UBR3: variants seen among roughly 807,000 people sequenced by gnomAD.
UBR3 encodes E3 ubiquitin-protein ligase UBR3.
In UBR3, 85 loss-of-function variants were observed where a neutral mutation model predicts 243.2. That is an observed-to-expected ratio of 0.35 (90% CI 0.29 to 0.42). UBR3 has a LOEUF of 0.42. Ranked by LOEUF, UBR3 falls within the 10% of genes least tolerant of loss-of-function variation. The probability of loss-of-function intolerance (pLI) is 1.00; values close to 1 mark genes in which losing one functional copy is unlikely to be tolerated. For missense variants in UBR3, 1,686 were observed against 2,300.8 expected, an observed-to-expected ratio of 0.73 and a Z score of 5.47; for synonymous variants, 748 against 799.8, an observed-to-expected ratio of 0.94 and a Z score of 1.09.
chr2:169,862,037 T>C (rs1483911781), intron 1 of UBR3, among the ~76,000 whole-genome samples: 1 of 152,222 alleles, frequency 6.6e-6, no homozygotes, highest in Non-Finnish European at 1.5e-5. Context: ...GTTCTATTTC[T>C]GGACCCATAT....
chr2:170,067,367 A>G (rs2091595858), intron 35 of UBR3, among the ~76,000 whole-genome samples: 1 of 151,572 alleles, frequency 6.6e-6, no homozygotes, highest in South Asian at 2.1e-4. Context: ...GCCCCAAATT[A>G]TATAAACAAA....
At chr2:169,932,808 G>A (rs991143301) in intron 18 of UBR3, 104 bp from the exon 19 acceptor site, 1 of 972,454 alleles carries the variant, frequency 1.0e-6, no homozygotes. Context: ...AGATTAAATT[G>A]TTCTGTGTTT....
chr2:170,048,685 A>G (rs2091147369), intron 32 of UBR3, among the ~76,000 whole-genome samples: 1 of 152,182 alleles, frequency 6.6e-6, no homozygotes, highest in Non-Finnish European at 1.5e-5. Context: ...GACACTGGCA[A>G]TTTGGATACG....
rs2090203731 is a variant in UBR3, at chr2:170,015,336, G to A, written c.4423G>A (p.Ala1475Thr). 2 of 1,611,724 alleles carry A rather than the reference G, an allele frequency of 1.2e-6. No homozygotes were observed. Among genetic ancestry groups the A allele is most frequent in the Admixed American group, 1.7e-5 (1 of 59,704 alleles). ...HRGGNLCSGG[A>T]STAGKRSCLN... is the part of the protein sequence containing the mutation. Reference sequence around the variant, plus strand: ...AGGAGGCAATTTGTGTTCAGGTGGTGCAAGCACAGCTGGCAAAAGGTCTTG... The same window carrying A: ...AGGAGGCAATTTGTGTTCAGGTGGTACAAGCACAGCTGGCAAAAGGTCTTG... The change falls in exon 30 of 39, where the codon GCA (alanine) becomes ACA (threonine). Residue 1475 changes from alanine to threonine, a missense_variant. This residue lies in a region of UBR3 where 371 missense variants were observed against 422.5 expected (regional missense o/e 0.88). Transcript: ENST00000272793.
chr2:170,075,351 G>T (rs1214390543), intron 36 of UBR3, among the ~76,000 whole-genome samples: 1 of 152,048 alleles, frequency 6.6e-6, no homozygotes, highest in Non-Finnish European at 1.5e-5. Flanking sequence ...ATGACATGGA[G>T]TAAGAGGGGT....
chr2:169,834,115 T>G (rs1414972961), intron 1 of UBR3, among the ~76,000 whole-genome samples: 1 of 152,180 alleles, frequency 6.6e-6, no homozygotes, highest in Non-Finnish European at 1.5e-5. Context: ...GGTTTTTAGG[T>G]TTTCTGATCT....
chr2:169,970,202 A>G (rs1381379524), intron 24 of UBR3, among the ~76,000 whole-genome samples: 1 of 130,354 alleles, frequency 7.7e-6, no homozygotes, highest in Non-Finnish European at 1.6e-5. Context: ...TCCTTGTAGG[A>G]GCTTTTACCT....
intron 1 of UBR3, among the ~76,000 whole-genome samples, chr2:169,833,158 CAT>C (rs1313891936): frequency 6.6e-6 from 1 of 152,042 alleles, no homozygotes; most frequent in African/African-American, 2.4e-5. Context: ...ATTTTTGATC[CAT>C]GTTTAGTTAA....
At chr2:169,941,801 A>G (rs2086601816) in intron 19 of UBR3, among the ~76,000 whole-genome samples, 3 of 152,232 alleles carry the variant, frequency 2.0e-5, no homozygotes, top group South Asian at 2.1e-4. Context: ...CTGTATTTGC[A>G]TACAAGTTCA....
intron 30 of UBR3, among the ~76,000 whole-genome samples, chr2:170,025,789 G>T (rs1358615933): frequency 1.3e-5 from 2 of 152,160 alleles, no homozygotes; most frequent in Non-Finnish European, 2.9e-5. Context: ...GATGACTCCC[G>T]AGTTTTTCCT....
chr2:170,040,339 C>G (rs932079971), intron 31 of UBR3, among the ~76,000 whole-genome samples: 1 of 151,784 alleles, frequency 6.6e-6, no homozygotes, highest in Non-Finnish European at 1.5e-5. Context: ...CTTCTGAGCT[C>G]AAGTGATCCG....
At chr2:169,905,979 T>C (rs1452575144) in intron 9 of UBR3, 52 bp from the exon 10 acceptor site, 7 of 1,530,806 alleles carry the variant, frequency 4.6e-6, no homozygotes, top group Middle Eastern at 1.7e-4. Flanking sequence ...ATATTTAACA[T>C]GAATGTGTGC....
chr2:170,066,532 CT>C (rs1028363141), intron 35 of UBR3, among the ~76,000 whole-genome samples: 1 of 152,062 alleles, frequency 6.6e-6, no homozygotes, highest in African/African-American at 2.4e-5. Context: ...CTCCATAAAA[CT>C]TGAAGAACAT....
chr2:169,863,793 G>A (rs1364672086), intron 1 of UBR3, among the ~76,000 whole-genome samples: 1 of 152,102 alleles, frequency 6.6e-6, no homozygotes, highest in Non-Finnish European at 1.5e-5. Context: ...ATGAATTTTA[G>A]GATCAATTTA....
At chr2:169,989,071 A>T (rs1195357235) in intron 25 of UBR3, among the ~76,000 whole-genome samples, 1 of 152,204 alleles carries the variant, frequency 6.6e-6, no homozygotes, top group Admixed American at 6.5e-5. Context: ...TTCAACAGTG[A>T]TTAATTTCTG....
chr2:170,036,622 ATATT>A (rs1384700740), intron 31 of UBR3, among the ~76,000 whole-genome samples: 1 of 152,066 alleles, frequency 6.6e-6, no homozygotes, highest in African/African-American at 2.4e-5. Context: ...AAGTATTTTT[ATATT>A]TATTAGCTAT....
At chr2:170,017,457 A>G (rs1363139078) in intron 30 of UBR3, among the ~76,000 whole-genome samples, 1 of 151,920 alleles carries the variant, frequency 6.6e-6, no homozygotes, top group Admixed American at 6.6e-5. Context: ...AAATTTGTCT[A>G]GTCAAGAAAA....
intron 23 of UBR3, among the ~76,000 whole-genome samples, chr2:169,952,423 C>A (rs1467149074): frequency 6.6e-6 from 1 of 152,180 alleles, no homozygotes; most frequent in African/African-American, 2.4e-5. Context: ...TATATAGTTA[C>A]ACTACATCTC....
intron 21 of UBR3, 50 bp from the exon 22 acceptor site, chr2:169,947,492 C>A (rs752616120): frequency 6.7e-6 from 9 of 1,347,172 alleles, no homozygotes; most frequent in Non-Finnish European, 7.7e-6. Flanking sequence ...TCCATTGTAC[C>A]TTGGACGTGA....
Sources: gnomAD v4.1 joint callset for allele counts (sites outside exome capture counted in the v4.1 genomes callset) on GRCh38, gnomAD v4.1.1 for gene constraint, gnomAD v4.1.1 regional missense constraint, MANE v1.5 for transcripts, NCBI Gene and HGNC (gene_info 2026-07-23, HGNC 2026-07-21) for gene names.